The following SORCS1 variants were observed in gnomAD, a reference collection of about 807,000 sequenced individuals.
SORCS1 encodes sortilin related VPS10 domain containing receptor 1.
In SORCS1, 60 loss-of-function variants were observed where a neutral mutation model predicts 146.1. That is an observed-to-expected ratio of 0.41 (90% CI 0.33 to 0.51). SORCS1 has a LOEUF of 0.51. Ranked by LOEUF, SORCS1 falls within the 20% of genes least tolerant of loss-of-function variation. The pLI is 0.21. For missense variants in SORCS1, 1,352 were observed against 1,487.6 expected (o/e 0.91, Z 1.50); for synonymous variants, 637 against 584.0 (o/e 1.09, Z -1.31).
chr10:107,095,963 A>C (rs994059806), intron 1 of SORCS1, among the ~76,000 whole-genome samples: 2 of 152,164 alleles, frequency 1.3e-5, no homozygotes, highest in Non-Finnish European at 2.9e-5. Flanking sequence ...TTAAAAAAAA[A>C]CAAGAATAAA....
At chr10:106,608,597 A>G (rs1846762984) in intron 22 of SORCS1, among the ~76,000 whole-genome samples, 1 of 152,132 alleles carries the variant, frequency 6.6e-6, no homozygotes, top group Admixed American at 6.5e-5. Flanking sequence ...TTACTATTAT[A>G]AGTAACTTAT....
intron 4 of SORCS1, among the ~76,000 whole-genome samples, chr10:106,767,319 C>T (rs1360729165): frequency 1.3e-5 from 2 of 152,064 alleles, no homozygotes; most frequent in East Asian, 1.9e-4. Context: ...GAGGGTGGTA[C>T]TCTGAAGCTT....
intron 3 of SORCS1, among the ~76,000 whole-genome samples, chr10:106,799,734 C>G (rs958326524): frequency 1.3e-5 from 2 of 152,104 alleles, no homozygotes; most frequent in African/African-American, 4.8e-5. Flanking sequence ...GGAAACAACA[C>G]GTGCTGGAGA....
intron 1 of SORCS1, among the ~76,000 whole-genome samples, chr10:107,067,423 A>T (rs1961982537): frequency 6.6e-6 from 1 of 152,172 alleles, no homozygotes; most frequent in Non-Finnish European, 1.5e-5. Context: ...TCCTGCTGCA[A>T]AACTGCAGGT....
At chr10:106,629,070 A>G in intron 19 of SORCS1, 132 bp downstream of exon 19, 2 of 770,134 alleles carry the variant, frequency 2.6e-6, no homozygotes, top group Admixed American at 2.8e-5. Flanking sequence ...TGGTCTCTTA[A>G]TCATTTCTTC....
rs138238793 is a variant in SORCS1, at chr10:106,810,999, G to A, written c.726+18575C>T. Among the ~76,000 whole-genome samples, 1,123 of 150,998 alleles carry A rather than the reference G, an allele frequency of 7.4e-3. 2 individuals are homozygous for A. Among genetic ancestry groups the A allele is most frequent in the Non-Finnish European group, 0.012 (781 of 67,862 alleles). ...TCTGTCGCCCAGGCTGGAGTGCAGC[G>A]GTGCATTCTTGGCTCACTGCAACCT... On this transcript the variant is annotated intron_variant, in intron 3 of 25. Coordinates refer to ENST00000263054, the MANE Select transcript of SORCS1 (RefSeq NM_052918.5).
At chr10:106,933,748 G>A (rs1271280469) in intron 2 of SORCS1, among the ~76,000 whole-genome samples, 1 of 152,092 alleles carries the variant, frequency 6.6e-6, no homozygotes, top group Non-Finnish European at 1.5e-5. Context: ...AACTTGTAGA[G>A]CACACGGAGC....
Position 106,861,399 on chromosome 10 carries a change from TAAA to T in SORCS1, c.627-31729_627-31727del, listed in dbSNP as rs35890575. Among the ~76,000 whole-genome samples the T allele has an allele frequency of 4.6e-3, 589 of 128,242 alleles. 11 individuals are homozygous for T. Among genetic ancestry groups the T allele is most frequent in the Admixed American group, 0.022 (281 of 12,704 alleles). The allele number at this position is 128,242 out of a possible 152,430, so 84.1% of individuals were successfully genotyped here. A position where few individuals can be genotyped will look rare whatever the true frequency, so the allele number is the denominator to read the frequency against. The stretch of plus-strand genomic sequence containing the variant: ...TGGGGGACAGAGTGAGACTCCGCCT[TAAA>T]AAAAAAAAAAAAAAAGAATATGCGA... On this transcript the variant is annotated intron_variant, in intron 2 of 25. Transcript: ENST00000263054.
intron 17 of SORCS1, among the ~76,000 whole-genome samples, chr10:106,655,629 C>T (rs190286671): frequency 1.4e-4 from 22 of 152,178 alleles, no homozygotes; most frequent in Non-Finnish European, 2.6e-4. Flanking sequence ...GAATCCATCC[C>T]CCCGGGACTA....
chr10:106,592,110 T>A (rs1038362191), intron 24 of SORCS1, among the ~76,000 whole-genome samples: 4 of 152,204 alleles, frequency 2.6e-5, no homozygotes, highest in African/African-American at 9.7e-5. Flanking sequence ...ACCTTCTGGA[T>A]AACATGTTTC....
intron 4 of SORCS1, among the ~76,000 whole-genome samples, chr10:106,763,451 A>G: frequency 6.6e-6 from 1 of 152,228 alleles, no homozygotes; most frequent in African/African-American, 2.4e-5. Context: ...GTGGGTATAC[A>G]AAACAATCCA....
intron 24 of SORCS1, among the ~76,000 whole-genome samples, chr10:106,588,860 C>CAAA (rs778852501): frequency 0.013 from 460 of 34,974 alleles, no homozygotes; most frequent in Non-Finnish European, 0.022. Flanking sequence ...GACTCCATCT[C>CAAA]AAAAAAAAAA....
At chr10:107,004,606 G>A (rs1957364917) in intron 1 of SORCS1, among the ~76,000 whole-genome samples, 1 of 152,062 alleles carries the variant, frequency 6.6e-6, no homozygotes, top group Non-Finnish European at 1.5e-5. Context: ...CCTTTGACTT[G>A]TGGGGATTAT....
Position 106,679,742 on chromosome 10 carries a change from G to C in SORCS1, c.1561-8C>G. 1 of 1,596,592 alleles carries C rather than the reference G, an allele frequency of 6.3e-7. No homozygotes were observed. Among genetic ancestry groups the C allele is most frequent in the South Asian group, 1.1e-5 (1 of 89,182 alleles). ...GTGTAGTGAGCAATAGGGCTGAAAA[G>C]AGAAATAATAAGTGCCACAAAATCA... On this transcript the variant is annotated splice_region_variant and splice_polypyrimidine_tract_variant and intron_variant, in intron 10 of 25. Transcript: ENST00000263054.
intron 2 of SORCS1, among the ~76,000 whole-genome samples, chr10:106,941,814 T>A (rs1954058705): frequency 6.6e-6 from 1 of 152,242 alleles, no homozygotes; most frequent in Non-Finnish European, 1.5e-5. Context: ...GCCTAATATC[T>A]GAGCGACTCA....
chr10:106,578,940 C>T, intron 25 of SORCS1: 1 of 1,427,780 alleles, frequency 7.0e-7, no homozygotes, highest in Non-Finnish European at 9.1e-7. Flanking sequence ...CCATCCCAAT[C>T]AGAGGAAGCA....
intron 2 of SORCS1, among the ~76,000 whole-genome samples, chr10:106,918,156 C>T (rs1952534968): frequency 6.6e-6 from 1 of 151,990 alleles, no homozygotes; most frequent in Non-Finnish European, 1.5e-5. Context: ...CAAGAAAAGA[C>T]ATTTCTTTTT....
chr10:106,611,937 G>A lies in SORCS1; in HGVS notation c.3007C>T (p.Arg1003Ter). 6.2e-7 allele frequency: 1 copy of A among 1,613,980 alleles called. No individual in the cohort carries two copies. The highest frequency in any genetic ancestry group is 8.5e-7 in the Non-Finnish European group (1 of 1,179,932). Residue 1003 changes from arginine (R) to a stop codon, truncating the protein, a stop_gained, in exon 22 of 26, where the codon CGA becomes TGA. Transcript: ENST00000263054. LOFTEE classifies it high-confidence loss of function. ...DIPEWRRDIG[R>*]VIKKSLVEAT... ...TCCACCAGGGATTTTTTGATGACTC[G>A]ACCGATGTCCCTCCTCCACTCAGGG...
chr10:106,664,141 G>A (rs1380716352), intron 17 of SORCS1, among the ~76,000 whole-genome samples: 1 of 152,200 alleles, frequency 6.6e-6, no homozygotes, highest in Non-Finnish European at 1.5e-5. Context: ...GAGTTAAGGT[G>A]GAGTCCTAGA....
Sources: allele counts gnomAD v4.1 joint callset (sites outside exome capture counted in the v4.1 genomes callset), GRCh38; gene constraint gnomAD v4.1.1; transcripts MANE v1.5; gene names NCBI Gene and HGNC (gene_info 2026-07-23, HGNC 2026-07-21).